The following NEXMIF variants were observed in gnomAD, a reference collection of about 807,000 sequenced individuals.
NEXMIF encodes XLMR protein related to neurite extension.
NEXMIF carries 8 observed loss-of-function variants against 62.1 expected under a neutral mutation model. The ratio of observed to expected loss-of-function variants is 0.13; its 90% CI spans 0.08 to 0.23. The LOEUF (loss-of-function observed/expected upper bound fraction) is 0.23. Among genes scored for constraint, NEXMIF ranks in the 10% least tolerant of loss-of-function variants. The pLI is 1.00. For missense variants in NEXMIF, 976 were observed against 1,113.3 expected (o/e 0.88, Z 1.75); for synonymous variants, 404 against 416.6 (o/e 0.97, Z 0.37).
chrX:74,912,959 A>T (rs2080795477), intron 1 of NEXMIF, among the ~76,000 whole-genome samples: 1 of 111,991 alleles, frequency 8.9e-6, no homozygotes, highest in African/African-American at 3.2e-5. Flanking sequence ...GAGGTCCTGG[A>T]GCTAGAGCAG....
chrX:74,910,220 C>G (rs888450285), intron 1 of NEXMIF, among the ~76,000 whole-genome samples: 6 of 112,403 alleles, frequency 5.3e-5, no homozygotes, highest in African/African-American at 1.9e-4. Context: ...AAGCAGCCAG[C>G]AGGGGTGCCA....
At chrX:74,835,405 T>C (rs1444393300) in intron 1 of NEXMIF, among the ~76,000 whole-genome samples, 1 of 111,619 alleles carries the variant, frequency 9.0e-6, no homozygotes, top group East Asian at 2.8e-4. Context: ...TAGGTATTTA[T>C]TGTAGTCTTC....
At chrX:74,793,496 G>C (rs1296438160) in intron 1 of NEXMIF, among the ~76,000 whole-genome samples, 1 of 110,906 alleles carries the variant, frequency 9.0e-6, no homozygotes, top group South Asian at 3.9e-4. Context: ...GGTGTTCTCT[G>C]TATTTCCTGA....
intron 1 of NEXMIF, among the ~76,000 whole-genome samples, chrX:74,854,736 A>T (rs1400045238): frequency 8.9e-6 from 1 of 112,162 alleles, no homozygotes; most frequent in Non-Finnish European, 1.9e-5. Flanking sequence ...AACACACACA[A>T]ATCAGTAGTA....
At chrX:74,879,739 CT>C (rs1482809240) in intron 1 of NEXMIF, among the ~76,000 whole-genome samples, 6 of 111,811 alleles carry the variant, frequency 5.4e-5, no homozygotes, top group African/African-American at 1.9e-4. Flanking sequence ...GAATGTTTTC[CT>C]TTGTGGACTA....
chrX:74,883,477 G>A (rs989296355), intron 1 of NEXMIF, among the ~76,000 whole-genome samples: 22 of 111,555 alleles, frequency 2.0e-4, no homozygotes, highest in Non-Finnish European at 1.3e-4. Context: ...GAAAACCATG[G>A]CATGAGAATT....
At chrX:74,886,527 C>T (rs1188213172) in intron 1 of NEXMIF, among the ~76,000 whole-genome samples, 1 of 111,606 alleles carries the variant, frequency 9.0e-6, no homozygotes, top group African/African-American at 3.3e-5. Flanking sequence ...AGAGCCAAAT[C>T]ATGAGTGAAA....
chrX:74,861,030 C>T (rs1334427217), intron 1 of NEXMIF, among the ~76,000 whole-genome samples: 1 of 111,570 alleles, frequency 9.0e-6, no homozygotes, highest in Non-Finnish European at 1.9e-5. Flanking sequence ...AGAGAGAACG[C>T]ACAAATAAAC....
chrX:74,873,410 T>C (rs2080612554), intron 1 of NEXMIF, among the ~76,000 whole-genome samples: 2 of 112,098 alleles, frequency 1.8e-5, no homozygotes, highest in Admixed American at 9.5e-5. Flanking sequence ...TTTGGGTTGG[T>C]TCCAAGTCTT....
intron 1 of NEXMIF, among the ~76,000 whole-genome samples, chrX:74,848,683 G>A (rs1292249143): frequency 2.7e-5 from 3 of 112,244 alleles, no homozygotes; most frequent in Admixed American, 9.4e-5. Flanking sequence ...GTAGGTCTTG[G>A]TAAAAAAAAT....
intron 1 of NEXMIF, among the ~76,000 whole-genome samples, chrX:74,764,071 T>C (rs1480667547): frequency 9.0e-6 from 1 of 111,664 alleles, no homozygotes; most frequent in African/African-American, 3.3e-5. Context: ...TGCTTCCCGT[T>C]TTTGCCCATT....
chrX:74,830,944 T>C (rs2080434388), intron 1 of NEXMIF, among the ~76,000 whole-genome samples: 1 of 109,982 alleles, frequency 9.1e-6, no homozygotes, highest in African/African-American at 3.3e-5. Context: ...GTTCTAATAG[T>C]TTTTTGGTGG....
chrX:74,751,417 A>T, intron 1 of NEXMIF, among the ~76,000 whole-genome samples: 1 of 110,933 alleles, frequency 9.0e-6, no homozygotes, highest in East Asian at 2.9e-4. Flanking sequence ...GGGTTCTTTT[A>T]GTTCCTAACA....
At chrX:74,914,954 T>A (rs1398297694) in intron 1 of NEXMIF, among the ~76,000 whole-genome samples, 1 of 112,282 alleles carries the variant, frequency 8.9e-6, no homozygotes, top group Non-Finnish European at 1.9e-5. Context: ...ACATACTCAA[T>A]GATTCCATTT....
chrX:74,857,692 A>G lies in NEXMIF; in HGVS notation c.-48+67191T>C, dbSNP rs182838310. On this transcript the variant is annotated intron_variant, in intron 1 of 3. Coordinates refer to ENST00000055682, the MANE Select transcript of NEXMIF (RefSeq NM_001008537.3). Reference sequence around the variant, plus strand: ...CCAACTCAGCCACAGGGGTGTAGAGAACCAACTGGGCTCTTGGGGTCTCCG... The same window carrying G: ...CCAACTCAGCCACAGGGGTGTAGAGGACCAACTGGGCTCTTGGGGTCTCCG... 2.2e-4 allele frequency among the ~76,000 whole-genome samples: 25 copies of G among 111,954 alleles called. No individual in the cohort carries two copies. In the Admixed American group the frequency reaches 2.3e-3, roughly 10 times the overall value.
chrX:74,781,124 C>T (rs755478372), intron 1 of NEXMIF, among the ~76,000 whole-genome samples: 1 of 112,322 alleles, frequency 8.9e-6, no homozygotes, highest in Non-Finnish European at 1.9e-5. Context: ...GGGCCCAGCT[C>T]CCACTTACCA....
At chrX:74,904,763 C>T (rs946526572) in intron 1 of NEXMIF, among the ~76,000 whole-genome samples, 9 of 111,029 alleles carry the variant, frequency 8.1e-5, no homozygotes, top group Non-Finnish European at 1.7e-4. Flanking sequence ...AAGTACAAGA[C>T]AGGGATCCAG....
intron 1 of NEXMIF, among the ~76,000 whole-genome samples, chrX:74,839,774 A>G (rs1383567674): frequency 8.9e-6 from 1 of 112,471 alleles, no homozygotes; most frequent in Non-Finnish European, 1.9e-5. Context: ...ATGGTATTCT[A>G]TGGTGTATGT....
At chrX:74,763,853 T>C (rs1412035146) in intron 1 of NEXMIF, among the ~76,000 whole-genome samples, 1 of 112,093 alleles carries the variant, frequency 8.9e-6, no homozygotes, top group Non-Finnish European at 1.9e-5. Context: ...GCTTTCAGCT[T>C]AAGGAGATTT....
Sources: allele counts gnomAD v4.1 joint callset (sites outside exome capture counted in the v4.1 genomes callset), GRCh38; gene constraint gnomAD v4.1.1; transcripts MANE v1.5; gene names NCBI Gene and HGNC (gene_info 2026-07-23, HGNC 2026-07-21).